The following NSMCE2 variants were observed in gnomAD, a reference collection of about 807,000 sequenced individuals.
NSMCE2 encodes NSE2 SUMO ligase component of SMC5/6 complex.
In NSMCE2, 24 loss-of-function variants were observed where a neutral mutation model predicts 23.8. The observed-to-expected ratio is 1.01, with a 90% confidence interval of 0.73 to 1.42. The LOEUF is 1.42. Among genes scored for constraint, NSMCE2 ranks in the 40% most tolerant of loss-of-function variants. The pLI is 0.00. For synonymous variants in NSMCE2, 92 were observed against 94.1 expected, an observed-to-expected ratio of 0.98 and a Z score of 0.13; for missense variants, 284 against 296.5, an observed-to-expected ratio of 0.96 and a Z score of 0.31.
intron 5 of NSMCE2, among the ~76,000 whole-genome samples, chr8:125,316,702 C>G (rs1829206673): frequency 1.5e-5 from 1 of 64,712 alleles, no homozygotes; most frequent in Non-Finnish European, 4.5e-5. Context: ...TTCTTTCCTT[C>G]CTTCCTTCTT....
intron 5 of NSMCE2, among the ~76,000 whole-genome samples, chr8:125,284,408 G>A (rs115704328): frequency 1.4e-3 from 207 of 152,188 alleles, no homozygotes; most frequent in African/African-American, 4.7e-3. Context: ...GTCACATGGG[G>A]GTTTGAGACT....
At chr8:125,152,808 A>T (rs1055610693) in intron 4 of NSMCE2, among the ~76,000 whole-genome samples, 11 of 152,170 alleles carry the variant, frequency 7.2e-5, no homozygotes, top group Non-Finnish European at 1.6e-4. Flanking sequence ...CTGTAATCTC[A>T]GCACTTTGGG....
rs139741127 is a variant in NSMCE2 at position 125,332,831 on chromosome 8, G to A, written c.419-24388G>A. ...ACCTCTTTAGTTGACCCTGTGAGAA[G>A]CCGTTTAGTCTTATGAACCAACCTT... is the stretch of plus-strand genomic sequence containing the variant. On this transcript the variant is annotated intron_variant, in intron 5 of 7. Transcript: ENST00000287437. Among the ~76,000 whole-genome samples, 580 of 152,288 alleles carry A rather than the reference G, an allele frequency of 3.8e-3. 5 individuals are homozygous for A. Among genetic ancestry groups the A allele is most frequent in the Admixed American group, 5.2e-3 (79 of 15,286 alleles).
intron 5 of NSMCE2, among the ~76,000 whole-genome samples, chr8:125,200,554 G>A (rs1586602290): frequency 6.6e-6 from 1 of 151,080 alleles, no homozygotes; most frequent in African/African-American, 2.5e-5. Context: ...CTGTTAGTCT[G>A]ATGGGCTTCC....
chr8:125,225,225 A>C (rs1825040791), intron 5 of NSMCE2, among the ~76,000 whole-genome samples: 1 of 152,182 alleles, frequency 6.6e-6, no homozygotes, highest in African/African-American at 2.4e-5. Flanking sequence ...GGGTTTTGCC[A>C]TTCAGAGAGG....
intron 6 of NSMCE2, 146 bp from the exon 7 acceptor site, chr8:125,357,566 C>T: frequency 1.5e-6 from 1 of 678,064 alleles, no homozygotes; most frequent in Admixed American, 2.8e-5. Flanking sequence ...CCACTGGATT[C>T]CCTGCATTTC....
intron 3 of NSMCE2, among the ~76,000 whole-genome samples, chr8:125,115,576 C>T (rs1479512471): frequency 6.6e-6 from 1 of 152,150 alleles, no homozygotes; most frequent in South Asian, 2.1e-4. Flanking sequence ...CACAGTGAAA[C>T]CCCATCTCTG....
At position 125,154,202 on chromosome 8, in the gene NSMCE2, GA is replaced by G. The variant is rs569270880; in HGVS notation, c.264+2928del. Among the ~76,000 whole-genome samples, 33 of 152,288 alleles carry G rather than the reference GA, an allele frequency of 2.2e-4. No homozygotes were observed. In the East Asian group the frequency reaches 6.4e-3, roughly 29 times the overall value. ...GTTTATGAATTTTCACATAGTCATA[GA>G]AAGTTGATTTAAAAACTTTTTTAAT... On this transcript the variant is annotated intron_variant, in intron 4 of 7. Transcript: ENST00000287437.
At chr8:125,286,896 C>G (rs971181497) in intron 5 of NSMCE2, among the ~76,000 whole-genome samples, 1 of 151,960 alleles carries the variant, frequency 6.6e-6, no homozygotes, top group African/African-American at 2.4e-5. Flanking sequence ...GATTGTAATC[C>G]CCTGGATTGG....
At chr8:125,191,719 G>T (rs985987475) in intron 5 of NSMCE2, among the ~76,000 whole-genome samples, 1 of 152,160 alleles carries the variant, frequency 6.6e-6, no homozygotes, top group Non-Finnish European at 1.5e-5. Flanking sequence ...GATATTTATG[G>T]CATCCCAAGT....
At chr8:125,271,094 T>A (rs1483288617) in intron 5 of NSMCE2, among the ~76,000 whole-genome samples, 1 of 151,858 alleles carries the variant, frequency 6.6e-6, no homozygotes, top group Non-Finnish European at 1.5e-5. Flanking sequence ...ACCCCGTTTC[T>A]ACTAAAAAAC....
intron 5 of NSMCE2, among the ~76,000 whole-genome samples, chr8:125,261,923 C>T (rs939374742): frequency 6.6e-6 from 1 of 151,580 alleles, no homozygotes; most frequent in Non-Finnish European, 1.5e-5. Flanking sequence ...ACAGCAAAAC[C>T]CTATTTCTAC....
chr8:125,334,476 C>T (rs1270253406), intron 5 of NSMCE2, among the ~76,000 whole-genome samples: 2 of 152,140 alleles, frequency 1.3e-5, no homozygotes, highest in Non-Finnish European at 2.9e-5. Context: ...ATTCTGCGCC[C>T]CTGGCTTAGA....
In NSMCE2 at chr8:125,190,901, G is replaced by A. The variant is rs541114836; in HGVS notation, c.418+8645G>A. ...TGATTATTTTTTGAGATGGAGTTTC[G>A]CTCTTATTGCCCAGGTTGGAGTGCA... On this transcript the variant is annotated intron_variant, in intron 5 of 7. Transcript: ENST00000287437. Among the ~76,000 whole-genome samples, 9 of 152,150 alleles carry A rather than the reference G, an allele frequency of 5.9e-5. No homozygotes were observed. In the South Asian group the frequency reaches 8.3e-4, roughly 14 times the overall value.
chr8:125,100,642 A>G (rs935604812), intron 1 of NSMCE2, among the ~76,000 whole-genome samples: 1 of 151,980 alleles, frequency 6.6e-6, no homozygotes, highest in African/African-American at 2.4e-5. Context: ...GCTCACTGCA[A>G]CCTCCGCCTC....
intron 5 of NSMCE2, among the ~76,000 whole-genome samples, chr8:125,279,308 T>C (rs1052874951): frequency 1.3e-5 from 2 of 152,210 alleles, no homozygotes; most frequent in African/African-American, 2.4e-5. Context: ...AAATGGTTGA[T>C]TGAGATAGCA....
chr8:125,161,031 A>G (rs1280146640), intron 4 of NSMCE2, among the ~76,000 whole-genome samples: 1 of 152,200 alleles, frequency 6.6e-6, no homozygotes, highest in Non-Finnish European at 1.5e-5. Flanking sequence ...AGAAGGATAT[A>G]AATGGAGAGT....
chr8:125,347,840 AT>A (rs1192682827), intron 5 of NSMCE2, among the ~76,000 whole-genome samples: 1 of 152,230 alleles, frequency 6.6e-6, no homozygotes, highest in Non-Finnish European at 1.5e-5. Flanking sequence ...ATGAGGATGG[AT>A]TATAGTTAAG....
At chr8:125,356,125 A>G (rs1403423634) in intron 5 of NSMCE2, among the ~76,000 whole-genome samples, 1 of 152,150 alleles carries the variant, frequency 6.6e-6, no homozygotes, top group Non-Finnish European at 1.5e-5. Context: ...GACAGATTGA[A>G]TGCATACGCA....
Sources: gnomAD v4.1 joint callset for allele counts (sites outside exome capture counted in the v4.1 genomes callset) on GRCh38, gnomAD v4.1.1 for gene constraint, MANE v1.5 for transcripts, NCBI Gene and HGNC (gene_info 2026-07-23, HGNC 2026-07-21) for gene names.